Variants in NUBPL observed in about 807,000 individuals in gnomAD.
NUBPL encodes NUBP iron-sulfur cluster assembly factor, mitochondrial.
In NUBPL, 31 loss-of-function variants were observed where a neutral mutation model predicts 45.7. The observed-to-expected ratio is 0.68, with a 90% CI of 0.51 to 0.92. NUBPL has a LOEUF of 0.92. NUBPL is among the 40% of genes least tolerant of loss of function. The pLI, the probability that NUBPL is intolerant of heterozygous loss-of-function variation, is 0.00. For missense variants in NUBPL, 401 were observed against 398.7 expected (o/e 1.01, Z -0.05); for synonymous variants, 144 against 140.9 (o/e 1.02, Z -0.15).
At chr14:31,815,601 C>T (rs1196280001) in intron 7 of NUBPL, among the ~76,000 whole-genome samples, 1 of 152,116 alleles carries the variant, frequency 6.6e-6, no homozygotes, top group Non-Finnish European at 1.5e-5. Flanking sequence ...AGAGGTCATC[C>T]TTGTCTTGTG....
intron 6 of NUBPL, among the ~76,000 whole-genome samples, chr14:31,688,621 G>A (rs2139854085): frequency 6.8e-6 from 1 of 147,494 alleles, no homozygotes; most frequent in East Asian, 2.0e-4. Flanking sequence ...AAATCTTTGA[G>A]GAGAAAGGCT....
intron 4 of NUBPL, among the ~76,000 whole-genome samples, chr14:31,630,947 A>G (rs894208578): frequency 1.3e-5 from 2 of 151,892 alleles, no homozygotes; most frequent in Non-Finnish European, 2.9e-5. Flanking sequence ...TTCTCTCTCT[A>G]TGTCTCCTTT....
At chr14:31,644,645 T>A (rs2035795405) in intron 4 of NUBPL, among the ~76,000 whole-genome samples, 1 of 152,176 alleles carries the variant, frequency 6.6e-6, no homozygotes, top group Non-Finnish European at 1.5e-5. Context: ...GGTGAAATGT[T>A]CTGTAAATGT....
At chr14:31,782,136 C>T (rs917925126) in intron 6 of NUBPL, among the ~76,000 whole-genome samples, 1 of 152,198 alleles carries the variant, frequency 6.6e-6, no homozygotes, top group Admixed American at 6.5e-5. Flanking sequence ...GTGCCTGACG[C>T]CTGTAATCCC....
intron 6 of NUBPL, among the ~76,000 whole-genome samples, chr14:31,695,755 G>A (rs2037201306): frequency 6.6e-6 from 1 of 152,068 alleles, no homozygotes; most frequent in Non-Finnish European, 1.5e-5. Context: ...GAACCATGAG[G>A]TAAATAAAAC....
At chr14:31,628,863 G>A (rs2035274221) in intron 4 of NUBPL, among the ~76,000 whole-genome samples, 1 of 152,132 alleles carries the variant, frequency 6.6e-6, no homozygotes, top group African/African-American at 2.4e-5. Context: ...TATTACCCAG[G>A]ACATTCTTCA....
intron 4 of NUBPL, among the ~76,000 whole-genome samples, chr14:31,603,540 T>G (rs371092863): frequency 2.6e-5 from 4 of 152,162 alleles, no homozygotes; most frequent in African/African-American, 7.2e-5. Context: ...AATAGAAGAT[T>G]ATTTTTGTTG....
chr14:31,767,780 G>A (rs911477400), intron 6 of NUBPL, among the ~76,000 whole-genome samples: 2 of 152,152 alleles, frequency 1.3e-5, no homozygotes, highest in Admixed American at 6.5e-5. Context: ...GGAAGGCTTA[G>A]GTGGGAGAAT....
At chr14:31,803,296 TA>T (rs2039626585) in intron 7 of NUBPL, among the ~76,000 whole-genome samples, 1 of 152,246 alleles carries the variant, frequency 6.6e-6, no homozygotes, top group Non-Finnish European at 1.5e-5. Flanking sequence ...TTTATTTTTT[TA>T]AATAACTATT....
intron 4 of NUBPL, among the ~76,000 whole-genome samples, chr14:31,645,197 C>T (rs1205389539): frequency 2.0e-5 from 3 of 151,992 alleles, no homozygotes; most frequent in Non-Finnish European, 4.4e-5. Flanking sequence ...TCCCGAGTAA[C>T]TGGGACTACA....
Position 31,620,611 on chromosome 14 carries a change from G to A in NUBPL, c.382+21232G>A, listed in dbSNP as rs534363621. Among the ~76,000 whole-genome samples the A allele has an allele frequency of 3.3e-5, 5 of 152,290 alleles. No homozygotes were observed. The East Asian group carries it at 9.7e-4, about 29-fold the overall frequency. ...GTTTGCCTGGGTATCACCAGTAGAG[G>A]CTGCAGAGCAGCAAAGATTCCTGCA... On this transcript the variant is annotated intron_variant, in intron 4 of 10. Coordinates refer to ENST00000281081, the MANE Select transcript of NUBPL (RefSeq NM_025152.3).
At chr14:31,578,130 A>T (rs534385272) in intron 3 of NUBPL, 233 of 503,694 alleles carry the variant, frequency 4.6e-4, no homozygotes, top group African/African-American at 4.3e-3. Flanking sequence ...AATCATTTTG[A>T]CTTGGGAGAA....
chr14:31,653,384 A>C (rs1441796361), intron 4 of NUBPL, among the ~76,000 whole-genome samples: 1 of 152,172 alleles, frequency 6.6e-6, no homozygotes, highest in East Asian at 1.9e-4. Context: ...CTCCCAGAGC[A>C]GCCGTTTATA....
intron 3 of NUBPL, among the ~76,000 whole-genome samples, chr14:31,590,407 G>A (rs1249943180): frequency 6.6e-6 from 1 of 152,000 alleles, no homozygotes; most frequent in Non-Finnish European, 1.5e-5. Context: ...GAGCAGTGTT[G>A]GAAGGGTCAT....
At chr14:31,732,174 A>T (rs2038063657) in intron 6 of NUBPL, among the ~76,000 whole-genome samples, 1 of 81,972 alleles carries the variant, frequency 1.2e-5, no homozygotes, top group Non-Finnish European at 2.2e-5. Context: ...AGCCTGGGTG[A>T]CAGAGCAAGA....
At chr14:31,805,335 A>G (rs891248583) in intron 7 of NUBPL, among the ~76,000 whole-genome samples, 1 of 152,224 alleles carries the variant, frequency 6.6e-6, no homozygotes, top group Non-Finnish European at 1.5e-5. Context: ...AATTAGCTCA[A>G]CCATTGTGGA....
At chr14:31,659,136 G>A (rs1444064643) in intron 4 of NUBPL, among the ~76,000 whole-genome samples, 2 of 152,152 alleles carry the variant, frequency 1.3e-5, no homozygotes, top group African/African-American at 4.8e-5. Flanking sequence ...TGCCCCATAA[G>A]GCTGTTGTAA....
chr14:31,788,138 T>G (rs1251410577), intron 7 of NUBPL, among the ~76,000 whole-genome samples: 1 of 152,128 alleles, frequency 6.6e-6, no homozygotes, highest in Non-Finnish European at 1.5e-5. Flanking sequence ...AGAGACAATT[T>G]TAGCAAAAAG....
intron 4 of NUBPL, among the ~76,000 whole-genome samples, chr14:31,664,612 C>T (rs1038614518): frequency 7.9e-5 from 12 of 152,054 alleles, no homozygotes; most frequent in African/African-American, 1.4e-4. Flanking sequence ...ATAAGCTTTT[C>T]GATGTGCTGC....
Sources: allele counts gnomAD v4.1 joint callset (sites outside exome capture counted in the v4.1 genomes callset), GRCh38; gene constraint gnomAD v4.1.1; transcripts MANE v1.5; gene names NCBI Gene and HGNC (gene_info 2026-07-23, HGNC 2026-07-21).